The following DLGAP2 variants were observed in gnomAD, a reference collection of about 807,000 sequenced individuals.
DLGAP2 encodes the protein disks large-associated protein 2.
Under a neutral mutation model 100.3 loss-of-function variants are expected in DLGAP2, and 26 were observed. The observed-to-expected ratio is 0.26, with a 90% CI of 0.19 to 0.36. DLGAP2 has a LOEUF of 0.36. DLGAP2 is among the 10% of genes least tolerant of loss of function. The pLI is 1.00. For synonymous variants in DLGAP2, 886 were observed against 630.1 expected, an observed-to-expected ratio of 1.41 and a Z score of -6.08; for missense variants, 1,858 against 1,453.2, an observed-to-expected ratio of 1.28 and a Z score of -4.53.
intron 2 of DLGAP2, among the ~76,000 whole-genome samples, chr8:1,192,745 A>G (rs1797666913): frequency 6.6e-6 from 1 of 151,552 alleles, no homozygotes; most frequent in Admixed American, 6.6e-5. Flanking sequence ...ATATGGAAAC[A>G]TGTGCCATGT....
chr8:1,334,003 C>G (rs1563089212), intron 3 of DLGAP2, among the ~76,000 whole-genome samples: 1 of 152,222 alleles, frequency 6.6e-6, no homozygotes, highest in African/African-American at 2.4e-5. Context: ...GGGCACCATG[C>G]CGGGGAAGAG....
In DLGAP2 at chr8:1,702,641, G is replaced by A. The variant is rs1182342362; in HGVS notation, c.*1235G>A. 2 of 152,268 alleles carry A rather than the reference G, an allele frequency of 1.3e-5. No homozygotes were observed. The highest frequency in any genetic ancestry group is 2.1e-4 in the South Asian group (1 of 4,814). The allele number at this position is 152,268 out of a possible 1,614,324, so 9.4% of individuals were successfully genotyped here. On this transcript the variant is annotated 3_prime_UTR_variant, in exon 15 of 15. Coordinates refer to ENST00000637795, the MANE Select transcript of DLGAP2 (RefSeq NM_001346810.2). The stretch of plus-strand genomic sequence containing the variant: ...ATTCAAAAAAAAAATTGGTGTTCAT[G>A]ACTCTGTGGTCGGTGCCAGAGGAAA...
intron 8 of DLGAP2, among the ~76,000 whole-genome samples, chr8:1,641,884 GTCCTCACCTGTGTCACCCTCGA>G (rs1797910535): frequency 7.8e-6 from 1 of 128,836 alleles, no homozygotes; most frequent in African/African-American, 3.1e-5. Flanking sequence ...GAACCCGCCG[GTCCTCACCTGTGTCACCCTCGA>G]CCCCGCCGGC....
intron 2 of DLGAP2, among the ~76,000 whole-genome samples, chr8:1,235,047 G>A (rs1164216243): frequency 1.3e-5 from 2 of 151,528 alleles, no homozygotes; most frequent in Non-Finnish European, 2.9e-5. Flanking sequence ...ATGGCGCCAT[G>A]TCTAGTTCTC....
chr8:1,303,239 T>C (rs1268574392), intron 3 of DLGAP2, among the ~76,000 whole-genome samples: 1 of 151,634 alleles, frequency 6.6e-6, no homozygotes, highest in East Asian at 1.9e-4. Context: ...CTACTAAAAA[T>C]ACAAAAAACT....
intron 1 of DLGAP2, among the ~76,000 whole-genome samples, chr8:837,141 G>A (rs1214772144): frequency 1.3e-5 from 2 of 152,202 alleles, no homozygotes; most frequent in Non-Finnish European, 2.9e-5. Flanking sequence ...ACACGTGGGT[G>A]GCAGCGCCTT....
In DLGAP2 at chr8:1,316,663, C is replaced by A. The variant is rs71516184; in HGVS notation, c.106+57780C>A. ...CTCCAACAGTGGTCTACACTCGAGA[C>A]ACTTGGCAGCTTTTAAAAATACAGC... On this transcript the variant is annotated intron_variant, in intron 3 of 14. Coordinates refer to ENST00000637795, the MANE Select transcript of DLGAP2 (RefSeq NM_001346810.2). 2.6e-4 allele frequency among the ~76,000 whole-genome samples: 31 copies of A among 117,084 alleles called. 1 individual carries two copies. The highest frequency in any genetic ancestry group is 8.9e-4 in the South Asian group (3 of 3,360). The allele number at this position is 117,084 out of a possible 152,430, so 76.8% of individuals were successfully genotyped here.
chr8:1,636,130 T>C (rs1030691796), intron 8 of DLGAP2, among the ~76,000 whole-genome samples: 2 of 152,260 alleles, frequency 1.3e-5, no homozygotes, highest in African/African-American at 4.8e-5. Context: ...TTCTTTCTCA[T>C]CTGGGAAATT....
intron 2 of DLGAP2, among the ~76,000 whole-genome samples, chr8:1,213,574 C>G (rs1424301007): frequency 6.6e-6 from 1 of 152,152 alleles, no homozygotes; most frequent in African/African-American, 2.4e-5. Flanking sequence ...GGTAGGTTTT[C>G]TGCGGCATCT....
chr8:811,957 A>G (rs1796378146), intron 1 of DLGAP2, among the ~76,000 whole-genome samples: 1 of 152,260 alleles, frequency 6.6e-6, no homozygotes, highest in African/African-American at 2.4e-5. Flanking sequence ...ACTCTCCGTC[A>G]AACACGACAT....
chr8:1,249,314 T>A (rs1012524269), intron 2 of DLGAP2, among the ~76,000 whole-genome samples: 50 of 152,314 alleles, frequency 3.3e-4, no homozygotes, highest in Non-Finnish European at 4.4e-5. Context: ...TCAGCCTGCA[T>A]GAGCGTCTCA....
chr8:1,034,107 A>G lies in DLGAP2; in HGVS notation c.73+126141A>G, dbSNP rs1284663109. Among the ~76,000 whole-genome samples the G allele has an allele frequency of 6.3e-4, 18 of 28,538 alleles. No individual in the cohort carries two copies. In the South Asian group the frequency reaches 0.014, roughly 22 times the overall value. The allele number at this position is 28,538 out of a possible 152,430, so 18.7% of individuals were successfully genotyped here. A position where few individuals can be genotyped will look rare whatever the true frequency, so the allele number is the denominator to read the frequency against. On this transcript the variant is annotated intron_variant, in intron 2 of 14. Coordinates refer to ENST00000637795, the MANE Select transcript of DLGAP2 (RefSeq NM_001346810.2). ...CGACCCCGCGTGTCACCGCGAGGGG[A>G]CTCACACCCTCATCCCGACCCCACG...
At chr8:1,231,233 A>G (rs1369312022) in intron 2 of DLGAP2, among the ~76,000 whole-genome samples, 5 of 152,216 alleles carry the variant, frequency 3.3e-5, no homozygotes, top group African/African-American at 1.2e-4. Flanking sequence ...AAACCCACGA[A>G]AAAATGCTCC....
At chr8:1,520,143 A>G (rs1277560035) in intron 4 of DLGAP2, among the ~76,000 whole-genome samples, 2 of 152,194 alleles carry the variant, frequency 1.3e-5, no homozygotes, top group Admixed American at 1.3e-4. Flanking sequence ...CACCTGATGA[A>G]CATGTTAGTG....
chr8:1,605,827 G>A (rs913293631), intron 6 of DLGAP2, among the ~76,000 whole-genome samples: 5 of 152,196 alleles, frequency 3.3e-5, no homozygotes, highest in Non-Finnish European at 7.3e-5. Flanking sequence ...TCATATAGTT[G>A]TAATAATCCA....
At chr8:1,282,363 T>C (rs1401615250) in intron 3 of DLGAP2, among the ~76,000 whole-genome samples, 2 of 134,846 alleles carry the variant, frequency 1.5e-5, no homozygotes, top group Non-Finnish European at 3.1e-5. Flanking sequence ...GGACGTGGTG[T>C]GACCTGAACC....
intron 6 of DLGAP2, among the ~76,000 whole-genome samples, chr8:1,574,266 C>T (rs1267959631): frequency 2.0e-5 from 3 of 152,214 alleles, no homozygotes; most frequent in East Asian, 1.9e-4. Context: ...TGGGGGGTAA[C>T]GTGAGACAGG....
At chr8:1,511,938 G>A (rs151272362) in intron 4 of DLGAP2, among the ~76,000 whole-genome samples, 63 of 152,346 alleles carry the variant, frequency 4.1e-4, no homozygotes, top group Admixed American at 2.9e-3. Context: ...AAAAGCGTGC[G>A]TGTTTTATGT....
chr8:892,447 C>T lies in DLGAP2; in HGVS notation c.19-15465C>T, dbSNP rs1306852855. Among the ~76,000 whole-genome samples, 15 of 152,258 alleles carry T rather than the reference C, an allele frequency of 9.9e-5. No individual in the cohort carries two copies. The East Asian group carries it at 2.5e-3, about 25-fold the overall frequency. On this transcript the variant is annotated intron_variant, in intron 1 of 14. Coordinates refer to ENST00000637795, the MANE Select transcript of DLGAP2 (RefSeq NM_001346810.2). The stretch of plus-strand genomic sequence containing the variant: ...TATGCTGAGTGGAATAAGCCAGTCA[C>T]AGAAAGACCTTGCTGTGTGACTCCA...
Sources: allele counts gnomAD v4.1 joint callset (sites outside exome capture counted in the v4.1 genomes callset), GRCh38; gene constraint gnomAD v4.1.1; transcripts MANE v1.5; gene names NCBI Gene and HGNC (gene_info 2026-07-23, HGNC 2026-07-21).